AP1S3: variants seen among roughly 807,000 people sequenced by gnomAD.
AP1S3 encodes the protein AP-1 complex subunit sigma-3.
Under a neutral mutation model 20.9 loss-of-function variants are expected in AP1S3, and 10 were observed. The ratio of observed to expected loss-of-function variants is 0.48; its 90% CI spans 0.29 to 0.81. The LOEUF is 0.81. Among genes scored for constraint, AP1S3 ranks in the 30% least tolerant of loss-of-function variants. The pLI is 0.08. For synonymous variants in AP1S3, 41 were observed against 61.5 expected (o/e 0.67, Z 1.56); for missense variants, 154 against 183.8 (o/e 0.84, Z 0.94).
chr2:223,827,430 T>A (rs1347871425), intron 1 of AP1S3, among the ~76,000 whole-genome samples: 1 of 152,192 alleles, frequency 6.6e-6, no homozygotes, highest in Non-Finnish European at 1.5e-5. Context: ...TCGCCCAGGT[T>A]GGAGTGCAGT....
intron 1 of AP1S3, among the ~76,000 whole-genome samples, chr2:223,825,064 C>G (rs936742510): frequency 2.0e-5 from 3 of 151,870 alleles, no homozygotes; most frequent in Non-Finnish European, 4.4e-5. Flanking sequence ...AATCACAGCA[C>G]TTTGGGAGGC....
intron 1 of AP1S3, 35 bp downstream of exon 1, chr2:223,837,412 AC>A: frequency 8.7e-7 from 1 of 1,145,494 alleles, no homozygotes; most frequent in Non-Finnish European, 1.1e-6. Context: ...GAGCGCCCCC[AC>A]CGCCTACCCG....
chr2:223,833,717 G>A (rs939607469), intron 1 of AP1S3, among the ~76,000 whole-genome samples: 1 of 152,126 alleles, frequency 6.6e-6, no homozygotes, highest in African/African-American at 2.4e-5. Flanking sequence ...AGCGAGGGCC[G>A]CCAATTCTTT....
intron 1 of AP1S3, among the ~76,000 whole-genome samples, chr2:223,786,133 G>A (rs1691066823): frequency 6.6e-6 from 1 of 152,116 alleles, no homozygotes; most frequent in African/African-American, 2.4e-5. Flanking sequence ...AAAAAATTAA[G>A]TCTTAAGAAA....
chr2:223,790,933 T>A (rs559787073), intron 1 of AP1S3, among the ~76,000 whole-genome samples: 2 of 152,262 alleles, frequency 1.3e-5, no homozygotes, highest in East Asian at 3.9e-4. Context: ...GATGGATAAA[T>A]TCCTGGACAC....
intron 1 of AP1S3, among the ~76,000 whole-genome samples, chr2:223,807,330 GA>G (rs1691604644): frequency 6.6e-6 from 1 of 151,942 alleles, no homozygotes; most frequent in African/African-American, 2.4e-5. Context: ...AGGAAGGGAA[GA>G]ACTGGGCTTT....
At chr2:223,764,931 A>C in intron 4 of AP1S3, 1 of 431,888 alleles carries the variant, frequency 2.3e-6, no homozygotes, top group Non-Finnish European at 4.0e-6. Context: ...TCTATGCCAC[A>C]CTTCCTAGTG....
At chr2:223,776,418 C>G (rs559466882) in intron 2 of AP1S3, among the ~76,000 whole-genome samples, 3 of 152,324 alleles carry the variant, frequency 2.0e-5, no homozygotes, top group Non-Finnish European at 4.4e-5. Context: ...TTCAGTCATT[C>G]TGTGTGAGCC....
chr2:223,787,038 T>C (rs934845774), intron 1 of AP1S3, among the ~76,000 whole-genome samples: 3 of 152,228 alleles, frequency 2.0e-5, no homozygotes, highest in African/African-American at 7.2e-5. Context: ...GGAGTTCTCA[T>C]GAATGAGTTA....
intron 3 of AP1S3, chr2:223,773,481 C>T (rs1690680741): frequency 2.1e-6 from 2 of 971,696 alleles, no homozygotes; most frequent in Non-Finnish European, 2.8e-6. Context: ...TGAAAATAAA[C>T]TTGGTATACC....
intron 3 of AP1S3, among the ~76,000 whole-genome samples, chr2:223,769,627 T>C (rs565754180): frequency 6.6e-6 from 1 of 151,828 alleles, no homozygotes. Context: ...ATGTAGAAGC[T>C]GAAAAGAATA....
chr2:223,760,656 C>T (rs1690332191), intron 4 of AP1S3, among the ~76,000 whole-genome samples: 1 of 152,064 alleles, frequency 6.6e-6, no homozygotes, highest in Admixed American at 6.6e-5. Context: ...CTAGAGTTTA[C>T]ACCATTTACA....
intron 4 of AP1S3, among the ~76,000 whole-genome samples, chr2:223,759,266 G>A (rs142354282): frequency 0.01 from 1,505 of 149,072 alleles, 24 homozygotes; most frequent in African/African-American, 0.037. Flanking sequence ...GTGACAGAGT[G>A]AGACTCCGTC....
At chr2:223,799,240 CACACACACACAA>C (rs1691414620) in intron 1 of AP1S3, among the ~76,000 whole-genome samples, 2 of 114,516 alleles carry the variant, frequency 1.7e-5, no homozygotes, top group Middle Eastern at 4.7e-3. Flanking sequence ...CACACACACA[CACACACACACAA>C]ACACCACATG....
intron 1 of AP1S3, among the ~76,000 whole-genome samples, chr2:223,782,011 C>A (rs958622917): frequency 7.8e-6 from 1 of 128,422 alleles, no homozygotes; most frequent in Non-Finnish European, 1.7e-5. Flanking sequence ...GGCTTTAAGT[C>A]TTTTTTTTTT....
chr2:223,762,828 TA>T (rs997587803), intron 4 of AP1S3, among the ~76,000 whole-genome samples: 10 of 152,144 alleles, frequency 6.6e-5, no homozygotes, highest in African/African-American at 2.2e-4. Flanking sequence ...AGAAAAGTCT[TA>T]GGGGCTACTG....
At chr2:223,800,746 T>C (rs1293033982) in intron 1 of AP1S3, among the ~76,000 whole-genome samples, 7 of 152,226 alleles carry the variant, frequency 4.6e-5, no homozygotes, top group Non-Finnish European at 8.8e-5. Flanking sequence ...AATGATGATA[T>C]ACTAGAAGCT....
At chr2:223,783,508 T>C (rs935731302) in intron 1 of AP1S3, among the ~76,000 whole-genome samples, 20 of 152,134 alleles carry the variant, frequency 1.3e-4, no homozygotes, top group Non-Finnish European at 1.3e-4. Flanking sequence ...TCTATGGGCG[T>C]TTTCTAATCT....
Position 223,775,910 on chromosome 2 carries a change from A to G in AP1S3, c.282T>C (p.Tyr94=). 1 of 1,613,936 alleles carries G rather than the reference A, an allele frequency of 6.2e-7. No homozygotes were observed. Residue 94 remains tyrosine (Y), a synonymous_variant, in exon 3 of 5, where the codon TAT becomes TAC. Transcript: ENST00000396654. ...CAAGGACAACACTTACATTTCCAAA[A>G]TATTTGTCCAGCAGCTCCACGTAAC... ...VHRYVELLDK[Y]FGNVCELDII... is the part of the protein sequence containing the mutation.
Sources: gnomAD v4.1 joint callset for allele counts (sites outside exome capture counted in the v4.1 genomes callset) on GRCh38, gnomAD v4.1.1 for gene constraint, MANE v1.5 for transcripts, NCBI Gene and HGNC (gene_info 2026-07-23, HGNC 2026-07-21) for gene names.